Variants in TXNDC5 observed in about 807,000 individuals in gnomAD.
The protein encoded by TXNDC5 is thioredoxin domain-containing protein 5.
TXNDC5 carries 44 observed loss-of-function variants against 52.6 expected under a neutral mutation model. The observed-to-expected ratio is 0.84, with a 90% confidence interval of 0.66 to 1.08. The LOEUF (loss-of-function observed/expected upper bound fraction) is 1.08, where lower values mean the gene tolerates loss of function less well. TXNDC5 is among the 50% of genes least tolerant of loss of function. TXNDC5 has a pLI of 0.00. For synonymous variants in TXNDC5, 241 were observed against 234.4 expected, an observed-to-expected ratio of 1.03 and a Z score of -0.26; for missense variants, 600 against 565.5, an observed-to-expected ratio of 1.06 and a Z score of -0.62.
chr6:7,899,044 G>C (rs928950043), intron 3 of TXNDC5, among the ~76,000 whole-genome samples: 1 of 152,164 alleles, frequency 6.6e-6, no homozygotes, highest in African/African-American at 2.4e-5. Context: ...GAGGGCTGCA[G>C]GTGGTGGAGG....
chr6:7,902,071 C>T (rs187363495), intron 2 of TXNDC5, among the ~76,000 whole-genome samples: 35 of 152,148 alleles, frequency 2.3e-4, no homozygotes, highest in Admixed American at 7.8e-4. Flanking sequence ...GGACAGAGGA[C>T]GGCAGTGATG....
chr6:7,889,001 G>A, intron 6 of TXNDC5, 153 bp from the exon 7 acceptor site: 1 of 1,002,586 alleles, frequency 1.0e-6, no homozygotes, highest in Non-Finnish European at 1.4e-6. Flanking sequence ...CGGGAATGTA[G>A]AGAGGATAAC....
chr6:7,888,706 T>G lies in TXNDC5; in HGVS notation c.962A>C (p.Lys321Thr). Residue 321 changes from lysine (K) to threonine (T), a missense_variant and splice_region_variant, in exon 7 of 10, where the codon AAG (lysine) becomes ACG (threonine). Physicochemically the swap from Lys to Thr is moderately conservative, Grantham distance 78 (BLOSUM62 -1). Coordinates refer to ENST00000379757, the MANE Select transcript of TXNDC5 (RefSeq NM_030810.5). ...PVLAAEPEAD[K>T]GTVLALTENN... ...ATCCCGACTCCAGCAGGCACCCACC[T>G]TGTCAGCCTCGGGCTCAGCTGCCAG... The G allele has an allele frequency of 6.2e-7, 1 of 1,609,338 alleles. No individual in the cohort carries two copies. The highest frequency in any genetic ancestry group is 8.5e-7 in the Non-Finnish European group (1 of 1,178,508).
intron 8 of TXNDC5, among the ~76,000 whole-genome samples, chr6:7,885,391 C>T (rs964110704): frequency 3.3e-5 from 5 of 152,158 alleles, no homozygotes; most frequent in East Asian, 3.9e-4. Context: ...CAGTCATTCA[C>T]GGTAAGTCTT....
intron 9 of TXNDC5, 74 bp downstream of exon 9, chr6:7,884,285 G>A (rs111651306): frequency 2.7e-5 from 42 of 1,582,266 alleles, no homozygotes; most frequent in African/African-American, 6.7e-5. Context: ...GTGAGTTATC[G>A]TGGTTGAGGC....
At chr6:7,903,933 GCAAA>G (rs1760652601) in intron 2 of TXNDC5, among the ~76,000 whole-genome samples, 1 of 152,212 alleles carries the variant, frequency 6.6e-6, no homozygotes, top group African/African-American at 2.4e-5. Flanking sequence ...GCCCTTCTGT[GCAAA>G]CAGAGATACA....
At chr6:7,890,005 C>T (rs183010005) in intron 5 of TXNDC5, among the ~76,000 whole-genome samples, 113 of 152,212 alleles carry the variant, frequency 7.4e-4, no homozygotes, top group African/African-American at 2.6e-3. Context: ...CATGCTGAAG[C>T]TTAGAGGGTT....
chr6:7,892,273 C>T (rs1164977926), intron 4 of TXNDC5, among the ~76,000 whole-genome samples: 2 of 152,142 alleles, frequency 1.3e-5, no homozygotes, highest in Non-Finnish European at 2.9e-5. Context: ...GTCCCCAGAC[C>T]CAACTACCAA....
intron 7 of TXNDC5, 97 bp downstream of exon 7, chr6:7,888,608 T>G (rs1366211800): frequency 2.1e-6 from 3 of 1,443,844 alleles, no homozygotes; most frequent in Non-Finnish European, 2.8e-6. Context: ...AACTGTCATT[T>G]TGTCCAAAGC....
chr6:7,906,458 C>T (rs1022627066), intron 1 of TXNDC5, among the ~76,000 whole-genome samples: 7 of 146,436 alleles, frequency 4.8e-5, no homozygotes, highest in Admixed American at 4.2e-4. Context: ...ATCGCTTGAA[C>T]CCGGGAGGCG....
intron 7 of TXNDC5, among the ~76,000 whole-genome samples, chr6:7,886,801 T>G (rs527613549): frequency 6.6e-6 from 1 of 152,288 alleles, no homozygotes; most frequent in South Asian, 2.1e-4. Context: ...CGTGGCTAAG[T>G]GTACCAGGGC....
At chr6:7,889,126 A>C in intron 6 of TXNDC5, 1 of 470,394 alleles carries the variant, frequency 2.1e-6, no homozygotes, top group Non-Finnish European at 3.7e-6. Flanking sequence ...CTGATGGGGA[A>C]CTCTGAGCTG....
intron 2 of TXNDC5, 27 bp from the exon 3 acceptor site, chr6:7,899,708 G>A: frequency 4.4e-6 from 7 of 1,584,682 alleles, no homozygotes; most frequent in Non-Finnish European, 5.2e-6. Context: ...GGATTAGACA[G>A]AGCAAAAAGA....
intron 1 of TXNDC5, 88 bp downstream of exon 1, chr6:7,910,426 C>G: frequency 8.1e-7 from 1 of 1,237,940 alleles, no homozygotes; most frequent in Non-Finnish European, 1.0e-6. Context: ...TCCACGTGGC[C>G]CCGGGACCCC....
At position 7,910,087 on chromosome 6, in the gene TXNDC5, G is replaced by A. The variant is rs984588022; in HGVS notation, c.263+427C>T. 8 of 986,140 alleles carry A rather than the reference G, an allele frequency of 8.1e-6. No individual in the cohort carries two copies. The South Asian group carries it at 3.3e-4, about 41-fold the overall frequency. The allele number at this position is 986,140 out of a possible 1,614,324, so 61.1% of individuals were successfully genotyped here. A position where few individuals can be genotyped will look rare whatever the true frequency, so the allele number is the denominator to read the frequency against. On this transcript the variant is annotated intron_variant, in intron 1 of 9. Coordinates refer to ENST00000379757, the MANE Select transcript of TXNDC5 (RefSeq NM_030810.5). Reference sequence around the variant, plus strand: ...AAGAGGCGGTTGAATTCAGGAGCGCGGCGCAGGGCGGGCTTTTCCCGGCTG... The same window carrying A: ...AAGAGGCGGTTGAATTCAGGAGCGCAGCGCAGGGCGGGCTTTTCCCGGCTG...
Position 7,899,596 on chromosome 6 carries a change from T to C in TXNDC5, c.499A>G (p.Thr167Ala). ...FQTLENWMLQ[T>A]LNEEPVTPEP... ...CTCACCACTGGCTCCTCGTTCAGTGTCTGCAGCATCCAGTTTTCCAGTGTC... is the reference window on the plus strand; with the variant it reads ...CTCACCACTGGCTCCTCGTTCAGTGCCTGCAGCATCCAGTTTTCCAGTGTC... Residue 167 changes from threonine to alanine, a missense_variant, in exon 3 of 10, where the codon ACA (threonine) becomes GCA (alanine). By Grantham distance (58) the Thr-to-Ala change is moderately conservative. Coordinates refer to ENST00000379757, the MANE Select transcript of TXNDC5 (RefSeq NM_030810.5). The C allele has an allele frequency of 6.2e-7, 1 of 1,613,922 alleles. No individual in the cohort carries two copies.
intron 1 of TXNDC5, chr6:7,910,166 G>A (rs1300279889): frequency 4.1e-6 from 4 of 987,494 alleles, no homozygotes; most frequent in African/African-American, 1.8e-5. Context: ...CGAGCGCCAC[G>A]TCAGCCGCCA....
At chr6:7,903,273 C>T (rs762504460) in intron 2 of TXNDC5, among the ~76,000 whole-genome samples, 3 of 132,176 alleles carry the variant, frequency 2.3e-5, no homozygotes, top group African/African-American at 3.1e-5. Flanking sequence ...AATGCTTTTA[C>T]GTAGATACAG....
At position 7,893,094 on chromosome 6, in the gene TXNDC5, C is replaced by T. The variant is rs74846045; in HGVS notation, c.617-1358G>A. ...AAATGAAACATCACCCCCTTGGCTACGGGGAAAAAAACAAACAAACCCTCA... is the reference window on the plus strand; with the variant it reads ...AAATGAAACATCACCCCCTTGGCTATGGGGAAAAAAACAAACAAACCCTCA... On this transcript the variant is annotated intron_variant, in intron 4 of 9. Transcript: ENST00000379757. Among the ~76,000 whole-genome samples the T allele has an allele frequency of 1.8e-4, 27 of 152,248 alleles. No individual in the cohort carries two copies. In the East Asian group the frequency reaches 2.7e-3, roughly 15 times the overall value.
Sources: gnomAD v4.1 joint callset for allele counts (sites outside exome capture counted in the v4.1 genomes callset) on GRCh38, gnomAD v4.1.1 for gene constraint, MANE v1.5 for transcripts, NCBI Gene and HGNC (gene_info 2026-07-23, HGNC 2026-07-21) for gene names.